USP4: variants seen among roughly 807,000 people sequenced by gnomAD.
USP4 encodes ubiquitin specific peptidase 4.
USP4 carries 72 observed loss-of-function variants against 118.2 expected under a neutral mutation model. That is an observed-to-expected ratio of 0.61 (90% CI 0.50 to 0.74). The LOEUF (loss-of-function observed/expected upper bound fraction) is 0.74, where lower values mean the gene tolerates loss of function less well. USP4 is among the 30% of genes least tolerant of loss of function. The probability of loss-of-function intolerance (pLI) is 0.00; values close to 1 mark genes in which losing one functional copy is unlikely to be tolerated. For missense variants in USP4, 1,037 were observed against 1,185.7 expected (o/e 0.87, Z 1.84); for synonymous variants, 415 against 440.4 (o/e 0.94, Z 0.72).
At chr3:49,322,860 GAA>G (rs1348556721) in intron 6 of USP4, among the ~76,000 whole-genome samples, 1 of 135,170 alleles carries the variant, frequency 7.4e-6, no homozygotes, top group Non-Finnish European at 1.6e-5. Context: ...CCGTCACAGG[GAA>G]AAAAAAAAAA....
intron 6 of USP4, among the ~76,000 whole-genome samples, chr3:49,314,686 T>G (rs562528948): frequency 1.3e-5 from 2 of 152,278 alleles, no homozygotes; most frequent in Admixed American, 1.3e-4. Context: ...ACTCCTCTTC[T>G]CAGTAACTAT....
chr3:49,332,950 T>C (rs977244017), intron 2 of USP4, among the ~76,000 whole-genome samples: 2 of 151,340 alleles, frequency 1.3e-5, no homozygotes, highest in African/African-American at 4.9e-5. Context: ...GAGGATCACC[T>C]GAGCCTGGGA....
At chr3:49,296,155 C>A (rs563247743) in intron 13 of USP4, among the ~76,000 whole-genome samples, 1 of 150,722 alleles carries the variant, frequency 6.6e-6, no homozygotes, top group Admixed American at 6.7e-5. Flanking sequence ...CACAGTGAAA[C>A]CCCATCTCTA....
At chr3:49,313,825 A>G (rs1378550224) in intron 6 of USP4, 1 of 152,216 alleles carries the variant, frequency 6.6e-6, no homozygotes, top group African/African-American at 2.4e-5. Context: ...CTATATAAGG[A>G]CATAAGGAAG....
chr3:49,287,415 A>G (rs1199978135), intron 15 of USP4, among the ~76,000 whole-genome samples: 2 of 152,056 alleles, frequency 1.3e-5, no homozygotes. Context: ...CGGCTTCCCA[A>G]AGTACTGGGA....
At chr3:49,286,816 C>CTCTATCTTTCTA (rs1553623221) in intron 15 of USP4, among the ~76,000 whole-genome samples, 1 of 141,230 alleles carries the variant, frequency 7.1e-6, no homozygotes, top group East Asian at 2.1e-4. Context: ...ACTCTAGCCA[C>CTCTATCTTTCTA]TCTATCTATC....
At position 49,277,543 on chromosome 3, in the gene USP4, G is replaced by C. The variant is rs1008146238; in HGVS notation, c.*750C>G. The C allele has an allele frequency of 1.5e-5, 3 of 199,526 alleles. No individual in the cohort carries two copies. Among genetic ancestry groups the C allele is most frequent in the African/African-American group, 4.7e-5 (2 of 42,160 alleles). 12.4% of individuals were successfully genotyped at this position (199,526 alleles called of 1,614,324 possible). ...AGCCAACATGGAAACAACTAGACGGGACACAGCACCGGGCAGTTTTATGTA... is the reference window on the plus strand; with the variant it reads ...AGCCAACATGGAAACAACTAGACGGCACACAGCACCGGGCAGTTTTATGTA... On this transcript the variant is annotated 3_prime_UTR_variant, in exon 22 of 22. Transcript: ENST00000265560.
At chr3:49,316,002 G>A (rs1001116184) in intron 6 of USP4, among the ~76,000 whole-genome samples, 13 of 152,024 alleles carry the variant, frequency 8.6e-5, no homozygotes, top group Non-Finnish European at 1.9e-4. Context: ...TTGGGAGTCC[G>A]AGACCAGTCT....
At position 49,286,254 on chromosome 3, in the gene USP4, C is replaced by T. The variant is rs763300392; in HGVS notation, c.2044G>A (p.Glu682Lys). ...CTGGGGTCATTTCCTGGCTCATCTTCCCCACTGCCTTCTGTTTCTGAAAGC... is the reference window on the plus strand; with the variant it reads ...CTGGGGTCATTTCCTGGCTCATCTTTCCCACTGCCTTCTGTTTCTGAAAGC... The part of the protein sequence containing the change: ...EQLSETEGSG[E>K]DEPGNDPSET... Residue 682 changes from glutamate (E) to lysine (K), a missense_variant, in exon 16 of 22, where the codon GAA becomes AAA. By Grantham distance (56) the Glu-to-Lys change is moderately conservative (BLOSUM62 1). Transcript: ENST00000265560. 2 of 1,614,150 alleles carry T rather than the reference C, an allele frequency of 1.2e-6. No homozygotes were observed. Among genetic ancestry groups the T allele is most frequent in the Non-Finnish European group, 1.7e-6 (2 of 1,180,034 alleles).
chr3:49,284,251 C>A, intron 18 of USP4, 115 bp from the exon 19 acceptor site: 1 of 1,380,104 alleles, frequency 7.2e-7, no homozygotes, highest in Non-Finnish European at 1.0e-6. Context: ...TCGGTCAGCA[C>A]TCAACACTAC....
At chr3:49,336,480 G>C (rs927741509) in intron 1 of USP4, among the ~76,000 whole-genome samples, 2 of 151,116 alleles carry the variant, frequency 1.3e-5, no homozygotes, top group Admixed American at 6.6e-5. Context: ...AGTCTAAATG[G>C]AGTCTTTTCA....
At chr3:49,325,572 C>T in intron 4 of USP4, 147 bp downstream of exon 4, 1 of 1,168,466 alleles carries the variant, frequency 8.6e-7, no homozygotes, top group Non-Finnish European at 1.2e-6. Flanking sequence ...GAATAGGCCC[C>T]CAGGTCAGGA....
intron 9 of USP4, among the ~76,000 whole-genome samples, chr3:49,303,763 T>G (rs987071095): frequency 6.6e-6 from 1 of 152,154 alleles, no homozygotes; most frequent in African/African-American, 2.4e-5. Context: ...CTTTTTTATT[T>G]TTTTTTCTGG....
intron 13 of USP4, among the ~76,000 whole-genome samples, chr3:49,295,452 G>A (rs2047195027): frequency 6.6e-6 from 1 of 151,912 alleles, no homozygotes; most frequent in African/African-American, 2.4e-5. Flanking sequence ...CAAAAACACT[G>A]AAGTGAAAGA....
chr3:49,317,223 C>T (rs753990374), intron 6 of USP4: 1 of 1,525,822 alleles, frequency 6.6e-7, no homozygotes, highest in Non-Finnish European at 9.1e-7. Flanking sequence ...CCGCGATGGT[C>T]TGGTAGAACT....
intron 14 of USP4, among the ~76,000 whole-genome samples, chr3:49,293,362 A>C (rs1223063268): frequency 6.6e-6 from 1 of 151,736 alleles, no homozygotes; most frequent in Non-Finnish European, 1.5e-5. Context: ...AAAATACAAA[A>C]ATTAGCTGGA....
intron 3 of USP4, 133 bp downstream of exon 3, chr3:49,327,553 T>A: frequency 1.1e-6 from 1 of 925,506 alleles, no homozygotes; most frequent in Non-Finnish European, 1.6e-6. Flanking sequence ...AAAAAAGAGA[T>A]CCAGAAACAA....
At chr3:49,306,770 G>A (rs557840340) in intron 8 of USP4, among the ~76,000 whole-genome samples, 17 of 152,016 alleles carry the variant, frequency 1.1e-4, no homozygotes, top group African/African-American at 3.9e-4. Flanking sequence ...CTCACCACAA[G>A]AGGAAAATAA....
chr3:49,328,301 T>C (rs1165177395), intron 2 of USP4, among the ~76,000 whole-genome samples: 5 of 151,984 alleles, frequency 3.3e-5, no homozygotes, highest in African/African-American at 1.2e-4. Context: ...GAGGTTGCAG[T>C]AAGCCAAGAT....
Sources: gnomAD v4.1 joint callset for allele counts (sites outside exome capture counted in the v4.1 genomes callset) on GRCh38, gnomAD v4.1.1 for gene constraint, MANE v1.5 for transcripts, NCBI Gene and HGNC (gene_info 2026-07-23, HGNC 2026-07-21) for gene names.